The following KHDRBS3 variants were observed in gnomAD, a reference collection of about 807,000 sequenced individuals.
The protein encoded by KHDRBS3 is KH domain-containing, RNA-binding, signal transduction-associated protein 3.
KHDRBS3 carries 23 observed loss-of-function variants against 45.6 expected under a neutral mutation model. The ratio of observed to expected loss-of-function variants is 0.50; its 90% CI spans 0.36 to 0.72. The LOEUF (loss-of-function observed/expected upper bound fraction) is 0.72. Among genes scored for constraint, KHDRBS3 ranks in the 30% least tolerant of loss-of-function variants. The pLI is 0.00. For synonymous variants in KHDRBS3, 162 were observed against 156.5 expected, an observed-to-expected ratio of 1.04 and a Z score of -0.26; for missense variants, 352 against 424.8, an observed-to-expected ratio of 0.83 and a Z score of 1.51.
intron 1 of KHDRBS3, among the ~76,000 whole-genome samples, chr8:135,487,250 A>G (rs1212589708): frequency 1.3e-5 from 2 of 152,192 alleles, no homozygotes; most frequent in African/African-American, 4.8e-5. Context: ...TCCTCCTGCA[A>G]CCTATCATGT....
At chr8:135,491,228 C>T (rs1032622997) in intron 1 of KHDRBS3, among the ~76,000 whole-genome samples, 1 of 152,070 alleles carries the variant, frequency 6.6e-6, no homozygotes, top group African/African-American at 2.4e-5. Flanking sequence ...ATCTCTTTCA[C>T]CTTTCTTGAG....
intron 6 of KHDRBS3, chr8:135,593,412 T>C (rs1045931818): frequency 6.6e-6 from 1 of 152,234 alleles, no homozygotes; most frequent in East Asian, 1.9e-4. Context: ...TTTATTTTTC[T>C]TATTACTCTC....
intron 2 of KHDRBS3, among the ~76,000 whole-genome samples, chr8:135,525,237 C>T (rs929203045): frequency 6.6e-6 from 1 of 152,142 alleles, no homozygotes. Context: ...GGTAAGAGTT[C>T]AAGTCTCAGT....
chr8:135,519,324 G>A (rs1197777864), intron 1 of KHDRBS3, among the ~76,000 whole-genome samples: 1 of 152,106 alleles, frequency 6.6e-6, no homozygotes, highest in African/African-American at 2.4e-5. Flanking sequence ...GTTAGCGTCA[G>A]GCCTCCTCCC....
rs187671770 is a variant in KHDRBS3, at chr8:135,540,937, G to A, written c.208-1717G>A. 2.0e-5 allele frequency: 3 copies of A among 152,308 alleles called. No individual in the cohort carries two copies. The East Asian group carries it at 5.8e-4, about 29-fold the overall frequency. The allele number at this position is 152,308 out of a possible 1,614,324, so 9.4% of individuals were successfully genotyped here. On this transcript the variant is annotated intron_variant, in intron 2 of 8. Transcript: ENST00000355849. ...AGAGACCAGCTCACAAAATGGGGAA[G>A]GGGAGACTCTTGGAAGAAGCAGATA...
At chr8:135,578,044 G>T (rs1563780997) in intron 5 of KHDRBS3, among the ~76,000 whole-genome samples, 2 of 152,114 alleles carry the variant, frequency 1.3e-5, no homozygotes, top group South Asian at 4.1e-4. Context: ...TTGGTGAGTT[G>T]TCTGTTCAAG....
At chr8:135,508,307 AC>A (rs1201238224) in intron 1 of KHDRBS3, among the ~76,000 whole-genome samples, 17 of 152,214 alleles carry the variant, frequency 1.1e-4, no homozygotes, top group African/African-American at 4.1e-4. Flanking sequence ...TATCATTAGT[AC>A]AGTCATATTT....
At chr8:135,502,064 T>A (rs1457295018) in intron 1 of KHDRBS3, among the ~76,000 whole-genome samples, 1 of 152,188 alleles carries the variant, frequency 6.6e-6, no homozygotes, top group Non-Finnish European at 1.5e-5. Context: ...GAGATATTCT[T>A]GTTTAAGTTG....
intron 6 of KHDRBS3, among the ~76,000 whole-genome samples, chr8:135,594,309 T>TAC (rs1158937244): frequency 6.6e-6 from 1 of 152,224 alleles, no homozygotes; most frequent in East Asian, 1.9e-4. Flanking sequence ...GAGGGTTCAC[T>TAC]ACAGTACAGG....
intron 1 of KHDRBS3, among the ~76,000 whole-genome samples, chr8:135,514,992 A>G (rs1232826034): frequency 6.6e-6 from 1 of 151,996 alleles, no homozygotes; most frequent in Non-Finnish European, 1.5e-5. Context: ...ATTTTTCAAT[A>G]TTTTGCTGTG....
chr8:135,602,919 C>T (rs1023385937), intron 6 of KHDRBS3, among the ~76,000 whole-genome samples: 1 of 152,226 alleles, frequency 6.6e-6, no homozygotes, highest in African/African-American at 2.4e-5. Context: ...GGAACCATAA[C>T]AAGCTATTTG....
At chr8:135,559,223 G>A (rs996122925) in intron 5 of KHDRBS3, among the ~76,000 whole-genome samples, 2 of 151,996 alleles carry the variant, frequency 1.3e-5, no homozygotes, top group Admixed American at 6.6e-5. Flanking sequence ...TCTTTTTCTA[G>A]ATAAGGTTCC....
chr8:135,559,841 C>T (rs1372169053), intron 5 of KHDRBS3, among the ~76,000 whole-genome samples: 1 of 152,158 alleles, frequency 6.6e-6, no homozygotes, highest in African/African-American at 2.4e-5. Context: ...TTATCTCCTA[C>T]CCCTTTGAAA....
intron 7 of KHDRBS3, among the ~76,000 whole-genome samples, chr8:135,612,126 G>A (rs561741341): frequency 6.6e-6 from 1 of 151,860 alleles, no homozygotes; most frequent in South Asian, 2.1e-4. Context: ...GAGAAGTAAA[G>A]CCCAAAGAAA....
chr8:135,632,086 T>C (rs1830628128), intron 7 of KHDRBS3, among the ~76,000 whole-genome samples: 1 of 152,200 alleles, frequency 6.6e-6, no homozygotes, highest in African/African-American at 2.4e-5. Flanking sequence ...ACACTTCCTC[T>C]ACAAAACCCA....
intron 2 of KHDRBS3, among the ~76,000 whole-genome samples, chr8:135,536,234 GTTTTTTTTTTTTTTT>G (rs374782370): frequency 0.21 from 18,041 of 86,884 alleles, 2,559 homozygotes; most frequent in African/African-American, 0.46. Context: ...TTTCTGTCCA[GTTTTTTTTTTTTTTT>G]TTTTTTTTTT....
At chr8:135,470,069 T>C (rs1209339067) in intron 1 of KHDRBS3, among the ~76,000 whole-genome samples, 4 of 152,226 alleles carry the variant, frequency 2.6e-5, no homozygotes, top group Non-Finnish European at 4.4e-5. Flanking sequence ...GTAGCTTCTT[T>C]GGTGTTCAGC....
Position 135,655,860 on chromosome 8 carries a change from G to A in KHDRBS3, c.*118-366G>A, listed in dbSNP as rs146163834. On this transcript the variant is annotated intron_variant and NMD_transcript_variant, in intron 4 of 4. Coordinates refer to the KHDRBS3 transcript ENST00000521461. ...AATTTAAAATATATCTGAAAGTTCA[G>A]TCTCTTATCAGGTGACAAGAATGCA... Among the ~76,000 whole-genome samples, 1,464 of 152,266 alleles carry A rather than the reference G, an allele frequency of 9.6e-3. 24 individuals are homozygous for A. Among genetic ancestry groups the A allele is most frequent in the African/African-American group, 0.033 (1,368 of 41,552 alleles).
At chr8:135,592,343 A>C (rs1157593640) in intron 6 of KHDRBS3, among the ~76,000 whole-genome samples, 1 of 152,178 alleles carries the variant, frequency 6.6e-6, no homozygotes, top group Non-Finnish European at 1.5e-5. Flanking sequence ...AAGGCATGGA[A>C]AGCAAGTTGT....
Sources: gnomAD v4.1 joint callset for allele counts (sites outside exome capture counted in the v4.1 genomes callset) on GRCh38, gnomAD v4.1.1 for gene constraint, MANE v1.5 for transcripts, NCBI Gene and HGNC (gene_info 2026-07-23, HGNC 2026-07-21) for gene names.